Variants in ALK observed in about 807,000 individuals in gnomAD.
ALK encodes the protein ALK tyrosine kinase receptor.
ALK carries 74 observed loss-of-function variants against 163.1 expected under a neutral mutation model. The observed-to-expected ratio is 0.45, with a 90% CI of 0.38 to 0.55. The LOEUF (loss-of-function observed/expected upper bound fraction) is 0.55. ALK is among the 20% of genes least tolerant of loss of function. ALK has a pLI of 0.00. For missense variants in ALK, 2,063 were observed against 2,105.3 expected (o/e 0.98, Z 0.39); for synonymous variants, 960 against 843.2 (o/e 1.14, Z -2.40).
chr2:29,589,084 T>A (rs1020091252), intron 3 of ALK, among the ~76,000 whole-genome samples: 1 of 152,194 alleles, frequency 6.6e-6, no homozygotes, highest in Non-Finnish European at 1.5e-5. Flanking sequence ...AGAAACCTTA[T>A]CATCTCTGCA....
intron 28 of ALK, among the ~76,000 whole-genome samples, chr2:29,194,538 C>T (rs1280384513): frequency 6.6e-6 from 1 of 152,096 alleles, no homozygotes; most frequent in Non-Finnish European, 1.5e-5. Flanking sequence ...CTTGCTCAGT[C>T]GCCCAGGCTG....
At chr2:29,229,109 G>T (rs753698191) in intron 15 of ALK, 43 bp from the exon 16 acceptor site, 2 of 1,586,362 alleles carry the variant, frequency 1.3e-6, no homozygotes, top group Non-Finnish European at 1.7e-6. Context: ...TGCTGGCAAG[G>T]TTCAATTAGC....
intron 3 of ALK, among the ~76,000 whole-genome samples, chr2:29,671,522 A>G (rs1677688290): frequency 6.6e-6 from 1 of 152,082 alleles, no homozygotes; most frequent in Admixed American, 6.6e-5. Flanking sequence ...GGAAGGACAG[A>G]TCTCCTGCCA....
chr2:29,434,491 A>T (rs563899559), intron 4 of ALK, among the ~76,000 whole-genome samples: 180 of 152,326 alleles, frequency 1.2e-3, no homozygotes, highest in Middle Eastern at 3.4e-3. Flanking sequence ...GCTTGCCATA[A>T]TGTGTTCCTT....
intron 4 of ALK, among the ~76,000 whole-genome samples, chr2:29,404,777 T>G (rs1669540147): frequency 6.6e-6 from 1 of 151,952 alleles, no homozygotes; most frequent in South Asian, 2.1e-4. Flanking sequence ...TCAAAGAAAG[T>G]GAGAGCCCAG....
At chr2:29,513,131 C>T (rs1043238258) in intron 4 of ALK, among the ~76,000 whole-genome samples, 27 of 151,042 alleles carry the variant, frequency 1.8e-4, no homozygotes, top group Admixed American at 6.6e-5. Context: ...ACTTTCTTCA[C>T]ATAATTGGAA....
intron 27 of ALK, 90 bp from the exon 28 acceptor site, chr2:29,196,950 T>C (rs2148142274): frequency 8.9e-7 from 1 of 1,127,466 alleles, no homozygotes; most frequent in Non-Finnish European, 1.3e-6. Flanking sequence ...AACGAATACG[T>C]TGAGGGTGCG....
At chr2:29,503,504 A>C (rs1043848626) in intron 4 of ALK, among the ~76,000 whole-genome samples, 1 of 152,226 alleles carries the variant, frequency 6.6e-6, no homozygotes, top group African/African-American at 2.4e-5. Context: ...GCATCATTAC[A>C]ACCAAGTTTC....
intron 3 of ALK, among the ~76,000 whole-genome samples, chr2:29,537,985 C>A (rs1573439438): frequency 6.6e-6 from 1 of 152,328 alleles, no homozygotes; most frequent in East Asian, 1.9e-4. Flanking sequence ...CACTTTGGAA[C>A]AAGAATGTTT....
intron 3 of ALK, among the ~76,000 whole-genome samples, chr2:29,595,346 A>G (rs1372073555): frequency 1.4e-5 from 2 of 139,904 alleles, no homozygotes; most frequent in Non-Finnish European, 3.0e-5. Context: ...TTTTTGAGAC[A>G]GAGTCTCGCT....
At chr2:29,686,342 G>A (rs1160583137) in intron 3 of ALK, among the ~76,000 whole-genome samples, 5 of 152,152 alleles carry the variant, frequency 3.3e-5, no homozygotes, top group African/African-American at 1.2e-4. Context: ...GGTACAAAGT[G>A]TGACCTGAAT....
At chr2:29,868,900 C>A (rs945286760) in intron 1 of ALK, among the ~76,000 whole-genome samples, 2 of 152,246 alleles carry the variant, frequency 1.3e-5, no homozygotes, top group Admixed American at 6.5e-5. Context: ...CTCCTGGCAC[C>A]CTTACTCTTG....
chr2:29,441,208 C>A (rs1175161803), intron 4 of ALK, among the ~76,000 whole-genome samples: 1 of 152,210 alleles, frequency 6.6e-6, no homozygotes, highest in Non-Finnish European at 1.5e-5. Flanking sequence ...CTGCTTGGGC[C>A]CCTGTGAAGA....
chr2:29,875,063 A>C (rs769772210), intron 1 of ALK, among the ~76,000 whole-genome samples: 2 of 152,264 alleles, frequency 1.3e-5, no homozygotes, highest in Non-Finnish European at 2.9e-5. Context: ...AGATACCTAT[A>C]AACCAATGTT....
At chr2:29,703,195 G>A (rs762702139) in intron 2 of ALK, among the ~76,000 whole-genome samples, 2 of 152,168 alleles carry the variant, frequency 1.3e-5, no homozygotes, top group Non-Finnish European at 2.9e-5. Flanking sequence ...TTATTTTCCT[G>A]CTAAAAATGC....
At chr2:29,233,747 C>G in intron 13 of ALK, 51 bp from the exon 14 acceptor site, 1 of 1,613,012 alleles carries the variant, frequency 6.2e-7, no homozygotes, top group Non-Finnish European at 8.5e-7. Context: ...GAGTTCTCCA[C>G]TTTGCAGCAG....
intron 3 of ALK, among the ~76,000 whole-genome samples, chr2:29,612,488 G>C (rs1316557073): frequency 6.6e-6 from 1 of 152,106 alleles, no homozygotes; most frequent in East Asian, 1.9e-4. Context: ...ATTTCTCTCT[G>C]TTTCCAAAGT....
intron 3 of ALK, among the ~76,000 whole-genome samples, chr2:29,680,224 A>G (rs1678021855): frequency 6.6e-6 from 1 of 151,858 alleles, no homozygotes; most frequent in African/African-American, 2.4e-5. Flanking sequence ...GATTTTTTTC[A>G]CCAAATTTGG....
At chr2:29,248,449 C>T (rs1380595912) in intron 12 of ALK, among the ~76,000 whole-genome samples, 2 of 152,154 alleles carry the variant, frequency 1.3e-5, no homozygotes, top group Non-Finnish European at 1.5e-5. Context: ...GGCAACAGAG[C>T]GCGACTCTGT....
Sources: allele counts gnomAD v4.1 joint callset (sites outside exome capture counted in the v4.1 genomes callset), GRCh38; gene constraint gnomAD v4.1.1; transcripts MANE v1.5; gene names NCBI Gene and HGNC (gene_info 2026-07-23, HGNC 2026-07-21).